NRCAM: variants seen among roughly 807,000 people sequenced by gnomAD.
NRCAM encodes NgCAM-related cell adhesion molecule.
NRCAM carries 83 observed loss-of-function variants against 156.5 expected under a neutral mutation model. That is an observed-to-expected ratio of 0.53 (90% CI 0.44 to 0.64). The LOEUF (loss-of-function observed/expected upper bound fraction) is 0.64, where lower values mean the gene tolerates loss of function less well. Ranked by LOEUF, NRCAM falls within the 30% of genes least tolerant of loss-of-function variation. The pLI, the probability that NRCAM is intolerant of heterozygous loss-of-function variation, is 0.00. For synonymous variants in NRCAM, 538 were observed against 563.9 expected (o/e 0.95, Z 0.65); for missense variants, 1,417 against 1,597.3 (o/e 0.89, Z 1.92).
At chr7:108,230,551 G>A (rs371755955) in intron 8 of NRCAM, among the ~76,000 whole-genome samples, 16 of 151,818 alleles carry the variant, frequency 1.1e-4, no homozygotes, top group African/African-American at 3.6e-4. Context: ...TCACCCTCCC[G>A]CTCGGCTCCT....
intron 6 of NRCAM, among the ~76,000 whole-genome samples, chr7:108,234,179 C>T (rs183028971): frequency 3.0e-4 from 45 of 152,234 alleles, no homozygotes; most frequent in African/African-American, 1.0e-3. Context: ...TGCCTTATGG[C>T]CATTAGTATC....
At position 108,381,474 on chromosome 7, in the gene NRCAM, G is replaced by A. The variant is rs139891750; in HGVS notation, c.-174+17962C>T. Among the ~76,000 whole-genome samples the A allele has an allele frequency of 1.3e-3, 202 of 151,566 alleles. 1 individual carries two copies. Among genetic ancestry groups the A allele is most frequent in the African/African-American group, 3.9e-3 (161 of 41,310 alleles). ...CACTGTGTATCCAAGGGCAAATAGC[G>A]TTTCAAATTTCAATAGAAAATGTTA... On this transcript the variant is annotated intron_variant, in intron 2 of 32. Coordinates refer to ENST00000379028, the MANE Select transcript of NRCAM (RefSeq NM_001037132.4).
intron 11 of NRCAM, among the ~76,000 whole-genome samples, chr7:108,212,399 C>G (rs1004401515): frequency 2.0e-5 from 3 of 152,100 alleles, no homozygotes; most frequent in Non-Finnish European, 4.4e-5. Flanking sequence ...AAGAAGAAAT[C>G]CCTGATTTAC....
intron 30 of NRCAM, among the ~76,000 whole-genome samples, chr7:108,165,285 T>C (rs1189703550): frequency 6.6e-6 from 1 of 152,144 alleles, no homozygotes; most frequent in African/African-American, 2.4e-5. Flanking sequence ...GACAAGCTTC[T>C]AATCCCAGCT....
chr7:108,358,473 T>TC (rs2099523779), intron 2 of NRCAM, among the ~76,000 whole-genome samples: 1 of 148,384 alleles, frequency 6.7e-6, no homozygotes, highest in Non-Finnish European at 1.5e-5. Context: ...TTTTTTTTTT[T>TC]CTTTTTAAAG....
intron 25 of NRCAM, among the ~76,000 whole-genome samples, chr7:108,179,138 A>G (rs1160854693): frequency 6.6e-6 from 1 of 152,198 alleles, no homozygotes; most frequent in Non-Finnish European, 1.5e-5. Context: ...GATGACAGCC[A>G]TAAACACTCC....
chr7:108,437,240 A>G (rs1038480838), intron 1 of NRCAM, among the ~76,000 whole-genome samples: 1 of 152,200 alleles, frequency 6.6e-6, no homozygotes, highest in African/African-American at 2.4e-5. Flanking sequence ...TCATGGACAT[A>G]GAAAGTAGGA....
intron 25 of NRCAM, among the ~76,000 whole-genome samples, chr7:108,178,642 A>AC (rs1271806884): frequency 2.0e-5 from 3 of 152,106 alleles, no homozygotes; most frequent in Non-Finnish European, 1.5e-5. Context: ...TGGTGAATGG[A>AC]CAAAAGCCCA....
rs760667817 is a variant in NRCAM at position 108,182,922 on chromosome 7, T to C, written c.2305-2A>G. Reference sequence around the variant, plus strand: ...ATTAGATTCGAAACCATTCAAGGGCTACAAGGAAAGCCAAATAACCAGAGC... The same window carrying C: ...ATTAGATTCGAAACCATTCAAGGGCCACAAGGAAAGCCAAATAACCAGAGC... On this transcript the variant is annotated splice_acceptor_variant, in intron 22 of 32. Coordinates refer to ENST00000379028, the MANE Select transcript of NRCAM (RefSeq NM_001037132.4). LOFTEE classifies it high-confidence loss of function. 1 of 1,613,470 alleles carries C rather than the reference T, an allele frequency of 6.2e-7. No homozygotes were observed. Among genetic ancestry groups the C allele is most frequent in the Non-Finnish European group, 8.5e-7 (1 of 1,179,398 alleles).
At chr7:108,415,185 G>A (rs1800006827) in intron 1 of NRCAM, among the ~76,000 whole-genome samples, 1 of 152,196 alleles carries the variant, frequency 6.6e-6, no homozygotes, top group Non-Finnish European at 1.5e-5. Flanking sequence ...GAGCCTTCTG[G>A]TTTCCCTTTC....
At chr7:108,261,456 G>C (rs1262881140) in intron 3 of NRCAM, among the ~76,000 whole-genome samples, 1 of 152,170 alleles carries the variant, frequency 6.6e-6, no homozygotes, top group East Asian at 1.9e-4. Flanking sequence ...AAATGTTATT[G>C]CTGTGTCTAT....
At chr7:108,199,729 C>T (rs1229964941) in intron 13 of NRCAM, among the ~76,000 whole-genome samples, 2 of 152,090 alleles carry the variant, frequency 1.3e-5, no homozygotes, top group Non-Finnish European at 2.9e-5. Flanking sequence ...TTAGATAGTC[C>T]AGGATAACCT....
intron 3 of NRCAM, among the ~76,000 whole-genome samples, chr7:108,268,132 C>A (rs1482250056): frequency 1.3e-5 from 2 of 152,098 alleles, no homozygotes; most frequent in African/African-American, 4.8e-5. Context: ...AACATTCTTG[C>A]CATAAGAGAT....
At chr7:108,270,581 C>T (rs2097305815) in intron 3 of NRCAM, among the ~76,000 whole-genome samples, 1 of 152,144 alleles carries the variant, frequency 6.6e-6, no homozygotes, top group South Asian at 2.1e-4. Flanking sequence ...AAGTGGTCTA[C>T]ACTTACGTCC....
chr7:108,431,213 T>A (rs1039862914), intron 1 of NRCAM, among the ~76,000 whole-genome samples: 1 of 152,180 alleles, frequency 6.6e-6, no homozygotes, highest in Non-Finnish European at 1.5e-5. Context: ...TCATGTTATT[T>A]CATGGCAGAC....
chr7:108,324,210 G>C (rs767717119), intron 2 of NRCAM, among the ~76,000 whole-genome samples: 6 of 152,102 alleles, frequency 3.9e-5, no homozygotes, highest in Non-Finnish European at 8.8e-5. Context: ...GATTGAGACA[G>C]GAAGACCACA....
intron 3 of NRCAM, among the ~76,000 whole-genome samples, chr7:108,282,462 T>G (rs959982504): frequency 3.3e-5 from 5 of 152,262 alleles, no homozygotes; most frequent in Non-Finnish European, 7.3e-5. Context: ...ACCTGGAACT[T>G]GCTAAGAATA....
At chr7:108,353,729 C>G (rs2099450412) in intron 2 of NRCAM, among the ~76,000 whole-genome samples, 1 of 152,224 alleles carries the variant, frequency 6.6e-6, no homozygotes, top group African/African-American at 2.4e-5. Flanking sequence ...GCTCTTAGAA[C>G]ACATGGCAGG....
chr7:108,455,685 T>G (rs1037249893), intron 1 of NRCAM, among the ~76,000 whole-genome samples: 2 of 152,080 alleles, frequency 1.3e-5, no homozygotes. Flanking sequence ...TCAGCACAGG[T>G]GTACGCACTT....
Sources: gnomAD v4.1 joint callset for allele counts (sites outside exome capture counted in the v4.1 genomes callset) on GRCh38, gnomAD v4.1.1 for gene constraint, MANE v1.5 for transcripts, NCBI Gene and HGNC (gene_info 2026-07-23, HGNC 2026-07-21) for gene names.